FANCD2: variants seen among roughly 807,000 people sequenced by gnomAD.
The protein encoded by FANCD2 is Fanconi anemia group D2 protein.
FANCD2 carries 131 observed loss-of-function variants against 192.3 expected under a neutral mutation model. That is an observed-to-expected ratio of 0.68 (90% CI 0.59 to 0.79). The LOEUF (loss-of-function observed/expected upper bound fraction) is 0.79, where lower values mean the gene tolerates loss of function less well. Among genes scored for constraint, FANCD2 ranks in the 30% least tolerant of loss-of-function variants. The pLI is 0.00. For missense variants in FANCD2, 1,508 were observed against 1,701.6 expected, an observed-to-expected ratio of 0.89 and a Z score of 2.00; for synonymous variants, 524 against 612.5, an observed-to-expected ratio of 0.86 and a Z score of 2.13.
chr3:10,088,238 G>A (rs754172769), intron 34 of FANCD2, among the ~76,000 whole-genome samples: 16 of 152,156 alleles, frequency 1.1e-4, no homozygotes, highest in Non-Finnish European at 2.1e-4. Context: ...GGTGGGACGT[G>A]TTGAGCCTTA....
Position 10,028,722 on chromosome 3 carries a change from G to T in FANCD2, c.64+1G>T, listed in dbSNP as rs746053143. 2.5e-6 allele frequency: 4 copies of T among 1,612,222 alleles called. No homozygotes were observed. The highest frequency in any genetic ancestry group is 3.4e-6 in the Non-Finnish European group (4 of 1,178,316). Reference sequence around the variant, plus strand: ...GAGAGCCTGACAGAAGATGCCTCCAGTAAGTATCTAGTCATTTGTTGCTTT... The same window carrying T: ...GAGAGCCTGACAGAAGATGCCTCCATTAAGTATCTAGTCATTTGTTGCTTT... On this transcript the variant is annotated splice_donor_variant, in intron 2 of 43. Transcript: ENST00000675286. LOFTEE classifies it high-confidence loss of function.
intron 2 of FANCD2, 67 bp from the exon 3 acceptor site, chr3:10,032,765 T>G: frequency 5.1e-6 from 7 of 1,359,690 alleles, no homozygotes; most frequent in Non-Finnish European, 6.3e-6. Context: ...TGATTATTAT[T>G]CCTGGGTTTA....
chr3:10,049,451 A>T lies in FANCD2; in HGVS notation c.1491A>T (p.Leu497=), dbSNP rs1230177997. Residue 497 remains leucine (L), a synonymous_variant, in exon 17 of 44, where the codon CTA becomes CTT. Coordinates refer to ENST00000675286, the MANE Select transcript of FANCD2 (RefSeq NM_001018115.3). The part of the protein sequence containing the change: ...AEVDTALDVL[L]ELVVLNPSAM... ...TTGATACTGCCTTAGATGTCCTTCT[A>T]GAGTTGGTAGTGTTAAACCCATCTG... 1.9e-6 allele frequency: 3 copies of T among 1,606,400 alleles called. No individual in the cohort carries two copies. The highest frequency in any genetic ancestry group is 2.6e-6 in the Non-Finnish European group (3 of 1,174,194).
intron 40 of FANCD2, 199 bp from the exon 41 acceptor site, chr3:10,095,001 A>G (rs1694867683): frequency 1.6e-6 from 1 of 609,440 alleles, no homozygotes; most frequent in African/African-American, 1.8e-5. Flanking sequence ...TCAGATTGAT[A>G]CAAGGGACAG....
In FANCD2 at chr3:10,094,295, C is replaced by T. The variant is rs555348798; in HGVS notation, c.3895C>T (p.Arg1299Cys). The T allele has an allele frequency of 3.3e-5, 54 of 1,613,654 alleles. No homozygotes were observed. Among genetic ancestry groups the T allele is most frequent in the Middle Eastern group, 1.7e-4 (1 of 6,056 alleles). The change falls in exon 40 of 44, where the codon CGT becomes TGT. Residue 1299 changes from arginine to cysteine, a missense_variant. By Grantham distance (180) the Arg-to-Cys change is radical. Coordinates refer to ENST00000675286, the MANE Select transcript of FANCD2 (RefSeq NM_001018115.3). Reference protein sequence around the residue: ...PVLHVCLKYGRLFVEAFLKQC... With the variant: ...PVLHVCLKYGCLFVEAFLKQC... Reference sequence around the variant, plus strand: ...GTGTGTCTCTCTTCTTCAGTATGGGCGTCTCTTTGTGGAAGCATTTCTGAA... The same window carrying T: ...GTGTGTCTCTCTTCTTCAGTATGGGTGTCTCTTTGTGGAAGCATTTCTGAA...
chr3:10,029,320 C>T (rs143133591), intron 2 of FANCD2, among the ~76,000 whole-genome samples: 24 of 152,124 alleles, frequency 1.6e-4, no homozygotes, highest in South Asian at 1.2e-3. Context: ...GGTAACATAG[C>T]GAGACTCCAT....
chr3:10,066,509 A>G (rs2087723063), intron 25 of FANCD2, among the ~76,000 whole-genome samples: 2 of 152,182 alleles, frequency 1.3e-5, no homozygotes, highest in African/African-American at 4.8e-5. Flanking sequence ...TTCAATAGGG[A>G]GTTCAAAGTC....
chr3:10,075,635 A>C (rs1693492114), intron 29 of FANCD2, among the ~76,000 whole-genome samples: 1 of 152,084 alleles, frequency 6.6e-6, no homozygotes, highest in African/African-American at 2.4e-5. Context: ...ATCAGAGAGT[A>C]GAATTTCTCT....
intron 3 of FANCD2, among the ~76,000 whole-genome samples, chr3:10,034,030 C>T (rs1264372678): frequency 4.7e-5 from 7 of 150,044 alleles, no homozygotes; most frequent in African/African-American, 1.7e-4. Flanking sequence ...TTAGACACAA[C>T]CCCATGACTC....
At chr3:10,033,175 C>T (rs905665613) in intron 3 of FANCD2, among the ~76,000 whole-genome samples, 5 of 152,108 alleles carry the variant, frequency 3.3e-5, no homozygotes, top group Non-Finnish European at 5.9e-5. Context: ...CTTTGGGAGG[C>T]TCGAGGCAGG....
At chr3:10,050,503 G>A (rs2087167005) in intron 17 of FANCD2, among the ~76,000 whole-genome samples, 1 of 151,354 alleles carries the variant, frequency 6.6e-6, no homozygotes, top group African/African-American at 2.4e-5. Context: ...GTCGCCTGTA[G>A]TCCCAGCTAC....
At chr3:10,101,067 A>T (rs867111981) in intron 43 of FANCD2, 121 bp from the exon 44 acceptor site, 15 of 433,944 alleles carry the variant, frequency 3.5e-5, no homozygotes, top group Middle Eastern at 3.9e-4. Flanking sequence ...GACTCCTTTA[A>T]AAAAAAAAAA....
In FANCD2 at chr3:10,100,029, T is replaced by A. The variant is rs190222433; in HGVS notation, c.4282-1159T>A. ...CGAGACCCCATCTCTACAGAAAAAA[T>A]TTTTTTGAGCTAGCCAGGCATGGTG... On this transcript the variant is annotated intron_variant, in intron 43 of 43. Transcript: ENST00000675286. Among the ~76,000 whole-genome samples, 859 of 151,006 alleles carry A rather than the reference T, an allele frequency of 5.7e-3. 3 individuals are homozygous for A. The highest frequency in any genetic ancestry group is 0.021 in the Middle Eastern group (6 of 290).
chr3:10,078,175 C>G lies in FANCD2; in HGVS notation c.2954C>G (p.Ala985Gly). ...GAGAGTATGCTGACACCTCCTATTG[C>G]CAGGAGAGTCCCCTTTCTCAAGGTT... Reference protein sequence around the residue: ...KLESMLTPPIARRVPFLKNKG... With the variant: ...KLESMLTPPIGRRVPFLKNKG... The change falls in exon 30 of 44, where the codon GCC becomes GGC. Residue 985 changes from alanine (A) to glycine (G), a missense_variant. By Grantham distance (60) the Ala-to-Gly change is moderately conservative. Transcript: ENST00000675286. 1 of 1,609,472 alleles carries G rather than the reference C, an allele frequency of 6.2e-7. No individual in the cohort carries two copies.
At chr3:10,064,456 G>T in intron 22 of FANCD2, 27 bp downstream of exon 22, 3 of 1,599,136 alleles carry the variant, frequency 1.9e-6, no homozygotes, top group Non-Finnish European at 2.6e-6. Flanking sequence ...TGCTGGCTTG[G>T]TTGCACTGGT....
At chr3:10,047,546 T>C (rs1416810230) in intron 15 of FANCD2, among the ~76,000 whole-genome samples, 2 of 152,300 alleles carry the variant, frequency 1.3e-5, no homozygotes, top group Non-Finnish European at 2.9e-5. Flanking sequence ...TTGAACCTTA[T>C]AGACCTACTT....
intron 18 of FANCD2, 120 bp downstream of exon 18, chr3:10,052,617 C>T: frequency 1.4e-6 from 1 of 720,440 alleles, no homozygotes; most frequent in South Asian, 1.5e-5. Context: ...CTCCTGGGTT[C>T]AAGCGATTCT....
At chr3:10,083,705 G>C (rs1007965688) in intron 32 of FANCD2, 1 of 151,910 alleles carries the variant, frequency 6.6e-6, no homozygotes, top group African/African-American at 2.4e-5. Context: ...TGGCTAACAC[G>C]GTGAAACTCC....
rs57661428 is a variant in FANCD2, at chr3:10,046,055, C to CTTTTTTTTTTTTT, written c.1135-522_1135-510dup. On this transcript the variant is annotated intron_variant, in intron 14 of 43. Coordinates refer to ENST00000675286, the MANE Select transcript of FANCD2 (RefSeq NM_001018115.3). ...ACTTTCATGCATATTGCTCTGTATT[C>CTTTTTTTTTTTTT]TTTTTTTTTTTTTTTGAGAATGGAA... Among the ~76,000 whole-genome samples, 724 of 124,250 alleles carry CTTTTTTTTTTTTT rather than the reference C, an allele frequency of 5.8e-3. 28 individuals carry two copies. The highest frequency in any genetic ancestry group is 9.8e-3 in the African/African-American group (296 of 30,294). 81.5% of individuals were successfully genotyped at this position (124,250 alleles called of 152,430 possible).
Sources: allele counts gnomAD v4.1 joint callset (sites outside exome capture counted in the v4.1 genomes callset), GRCh38; gene constraint gnomAD v4.1.1; transcripts MANE v1.5; gene names NCBI Gene and HGNC (gene_info 2026-07-23, HGNC 2026-07-21).